PROM2: variants seen among roughly 807,000 people sequenced by gnomAD.
The protein encoded by PROM2 is prominin-2.
A neutral mutation model predicts 110.2 loss-of-function variants in PROM2; 90 were observed. That is an observed-to-expected ratio of 0.82 (90% confidence interval 0.69 to 0.97). PROM2 has a LOEUF of 0.97. Ranked by LOEUF, PROM2 falls within the 50% of genes least tolerant of loss-of-function variation. The pLI is 0.00. For synonymous variants in PROM2, 470 were observed against 467.8 expected (o/e 1.00, Z -0.06); for missense variants, 1,009 against 1,074.8 (o/e 0.94, Z 0.86).
intron 8 of PROM2, 57 bp downstream of exon 8, chr2:95,278,061 T>C: frequency 3.4e-6 from 5 of 1,455,598 alleles, no homozygotes; most frequent in Non-Finnish European, 4.8e-6. Context: ...AGGGCCTCTG[T>C]TTCCCCCTTT....
intron 1 of PROM2, 42 bp downstream of exon 1, chr2:95,274,871 C>T (rs764263969): frequency 4.6e-5 from 68 of 1,492,978 alleles, no homozygotes; most frequent in Middle Eastern, 1.8e-4. Context: ...GCATTTGGGT[C>T]CCCAGCCCGG....
chr2:95,276,549 G>T lies in PROM2; in HGVS notation c.619-45G>T, dbSNP rs781397614. ...CCAGGGAGAGAAGGGCGTAAGGACT[G>T]TGGGTGACCAGGAAGGGCAGCCTCA... On this transcript the variant is annotated intron_variant, in intron 4 of 23. Coordinates refer to ENST00000317620, the MANE Select transcript of PROM2 (RefSeq NM_001165978.3). The surrounding 1 kb of genome is among the most constrained non-coding windows in gnomAD (Gnocchi z 4.6). 3.7e-6 allele frequency: 6 copies of T among 1,613,422 alleles called. No individual in the cohort carries two copies. In the East Asian group the frequency reaches 1.3e-4, roughly 36 times the overall value.
chr2:95,288,766 G>GC (rs1016769309), intron 22 of PROM2, among the ~76,000 whole-genome samples, 167 bp from the exon 23 acceptor site: 10 of 152,344 alleles, frequency 6.6e-5, no homozygotes, highest in African/African-American at 2.4e-4. Context: ...CCGTATGTCT[G>GC]CCCCTTACCC....
At chr2:95,286,948 C>A in intron 18 of PROM2, 91 bp downstream of exon 18, 2 of 1,462,722 alleles carry the variant, frequency 1.4e-6, no homozygotes, top group Non-Finnish European at 1.9e-6. Flanking sequence ...CACCTCAGAG[C>A]TCTGCCCAGG....
rs780674390 is a variant in PROM2, at chr2:95,275,494, C to T, written c.278C>T (p.Ser93Phe). 3.1e-6 allele frequency: 5 copies of T among 1,613,808 alleles called. No individual in the cohort carries two copies. The highest frequency in any genetic ancestry group is 4.2e-6 in the Non-Finnish European group (5 of 1,179,858). The change falls in exon 2 of 24, where the codon TCC (serine) becomes TTC (phenylalanine). Residue 93 changes from serine (S) to phenylalanine (F), a missense_variant. Coordinates refer to ENST00000317620, the MANE Select transcript of PROM2 (RefSeq NM_001165978.3). The surrounding 1 kb of genome is among the most constrained non-coding windows in gnomAD (Gnocchi z 4.4). Reference sequence around the variant, plus strand: ...AAGGCCCTACTGAATGAGCTGGCCTCCGTGAAGGTGAATGAGGTGAGCAAG... The same window carrying T: ...AAGGCCCTACTGAATGAGCTGGCCTTCGTGAAGGTGAATGAGGTGAGCAAG... The part of the protein sequence containing the change: ...LVKALLNELA[S>F]VKVNEVVRYE...
intron 14 of PROM2, among the ~76,000 whole-genome samples, chr2:95,282,495 A>T (rs1465313032): frequency 6.6e-6 from 1 of 152,102 alleles, no homozygotes; most frequent in Non-Finnish European, 1.5e-5. Context: ...GAGCAGGAGG[A>T]TGAGGGGGCC....
chr2:95,280,042 T>A, intron 11 of PROM2, 45 bp downstream of exon 11: 3 of 1,362,978 alleles, frequency 2.2e-6, no homozygotes, highest in Non-Finnish European at 2.8e-6. Flanking sequence ...CTTATAGGGC[T>A]GGCTGATTAC....
In PROM2 at chr2:95,282,068, C is replaced by T. The variant is rs76846731; in HGVS notation, c.1643+52C>T. On this transcript the variant is annotated intron_variant, in intron 13 of 23. Transcript: ENST00000317620. ...GGACCGGGGAAGGAAGGAGGAGGGC[C>T]GGTGTCCCTCAGGGGACATCAGCCC... is the stretch of plus-strand genomic sequence containing the variant. The T allele has an allele frequency of 1.7e-3, 2,740 of 1,601,856 alleles. 37 individuals are homozygous for T. The African/African-American group carries it at 0.03, about 17-fold the overall frequency.
At position 95,276,724 on chromosome 2, in the gene PROM2, G is replaced by A; in HGVS notation, c.682+67G>A. The A allele has an allele frequency of 4.5e-6, 7 of 1,545,292 alleles. No homozygotes were observed. The highest frequency in any genetic ancestry group is 5.3e-6 in the Non-Finnish European group (6 of 1,121,718). ...GGGCCCCTGCTCGGGTGCCTCGGTG[G>A]GGGCCTCTCACTCCCTCATTCTGGA... On this transcript the variant is annotated intron_variant, in intron 5 of 23. Coordinates refer to ENST00000317620, the MANE Select transcript of PROM2 (RefSeq NM_001165978.3). This position sits in a 1 kb window ranked among gnomAD's most constrained non-coding sequence, Gnocchi z 4.6.
Position 95,281,369 on chromosome 2 carries a change from G to A in PROM2, c.1551+4G>A. On this transcript the variant is annotated splice_donor_region_variant and intron_variant, in intron 12 of 23. Transcript: ENST00000317620. ...GGAGAACGGCGAGCTCTTTGAGGTA[G>A]GCCTGTCTCTGCTCACAGGCCCTCC... The A allele has an allele frequency of 6.2e-7, 1 of 1,610,126 alleles. No individual in the cohort carries two copies. Among genetic ancestry groups the A allele is most frequent in the Non-Finnish European group, 8.5e-7 (1 of 1,179,638 alleles).
chr2:95,280,097 G>GTCAT, intron 11 of PROM2, 100 bp downstream of exon 11: 1 of 1,172,842 alleles, frequency 8.5e-7, no homozygotes, highest in Non-Finnish European at 1.1e-6. Context: ...CAGTGTCAGT[G>GTCAT]TCATCATCTG....
At position 95,288,239 on chromosome 2, in the gene PROM2, C is replaced by G. The variant is rs775354442; in HGVS notation, c.2273C>G (p.Pro758Arg). The G allele has an allele frequency of 1.2e-6, 2 of 1,614,026 alleles. No individual in the cohort carries two copies. Among genetic ancestry groups the G allele is most frequent in the East Asian group, 4.5e-5 (2 of 44,880 alleles). The change falls in exon 21 of 24, where the codon CCC becomes CGC. Residue 758 changes from proline to arginine, a missense_variant. Transcript: ENST00000317620. The stretch of plus-strand genomic sequence containing the variant: ...ACTCAGCGCATTGCCACCTGCCAGC[C>G]CCTCTCCGGAGCCCTGGACAACAGC... ...EVTQRIATCQ[P>R]LSGALDNSRV...
In PROM2 at chr2:95,281,892, C is replaced by T. The variant is rs761527656; in HGVS notation, c.1552-33C>T. ...CCAGGGTGGCCTTGCCCCCACCCCG[C>T]TCTGTGCCCATTTCTCACTGCCCCA... On this transcript the variant is annotated intron_variant, in intron 12 of 23. Coordinates refer to ENST00000317620, the MANE Select transcript of PROM2 (RefSeq NM_001165978.3). 5.2e-6 allele frequency: 8 copies of T among 1,548,896 alleles called. No homozygotes were observed. The Admixed American group carries it at 1.2e-4, about 23-fold the overall frequency.
At position 95,276,495 on chromosome 2, in the gene PROM2, G is replaced by A; in HGVS notation, c.619-99G>A. On this transcript the variant is annotated intron_variant, in intron 4 of 23. Transcript: ENST00000317620. The surrounding 1 kb of genome is among the most constrained non-coding windows in gnomAD (Gnocchi z 4.6). Reference sequence around the variant, plus strand: ...CTTGCCTGAGAGTCGACCACCCTCAGGGTGGATGCCATAGGGGCAGGGAAG... The same window carrying A: ...CTTGCCTGAGAGTCGACCACCCTCAAGGTGGATGCCATAGGGGCAGGGAAG... 1 of 1,602,864 alleles carries A rather than the reference G, an allele frequency of 6.2e-7. No homozygotes were observed. The highest frequency in any genetic ancestry group is 8.5e-7 in the Non-Finnish European group (1 of 1,171,128).
chr2:95,281,891 G>C, intron 12 of PROM2, 34 bp from the exon 13 acceptor site: 1 of 1,536,702 alleles, frequency 6.5e-7, no homozygotes, highest in Middle Eastern at 1.8e-4. Flanking sequence ...CCCCCACCCC[G>C]CTCTGTGCCC....
rs768364083 is a variant in PROM2 at position 95,290,331 on chromosome 2, G to C, written c.*1118G>C. ...CTCACTTCCCTGAGACTTGGTTCTGGGTCCTTAAAACCAGGTTTCCTAGGC... is the reference window on the plus strand; with the variant it reads ...CTCACTTCCCTGAGACTTGGTTCTGCGTCCTTAAAACCAGGTTTCCTAGGC... On this transcript the variant is annotated 3_prime_UTR_variant, in exon 24 of 24. Coordinates refer to ENST00000317620, the MANE Select transcript of PROM2 (RefSeq NM_001165978.3). The C allele has an allele frequency of 1.3e-5, 2 of 152,168 alleles. No homozygotes were observed. The highest frequency in any genetic ancestry group is 2.9e-5 in the Non-Finnish European group (2 of 68,046). 9.4% of individuals were successfully genotyped at this position (152,168 alleles called of 1,614,324 possible).
chr2:95,275,464 T>C lies in PROM2; in HGVS notation c.248T>C (p.Leu83Ser), dbSNP rs753214127. Reference sequence around the variant, plus strand: ...TCAGCTTGGCTCTTTCCCATAGAGTTGGTAAAGGCCCTACTGAATGAGCTG... The same window carrying C: ...TCAGCTTGGCTCTTTCCCATAGAGTCGGTAAAGGCCCTACTGAATGAGCTG... Reference protein sequence around the residue: ...VVQLNPFPSELVKALLNELAS... With the variant: ...VVQLNPFPSESVKALLNELAS... The change falls in exon 2 of 24, where the codon TTG (leucine) becomes TCG (serine). Residue 83 changes from leucine to serine, a missense_variant. Leu to Ser is a moderately radical substitution (Grantham distance 145). Transcript: ENST00000317620. The surrounding 1 kb of genome is among the most constrained non-coding windows in gnomAD (Gnocchi z 4.4). 1 of 1,612,454 alleles carries C rather than the reference T, an allele frequency of 6.2e-7. No individual in the cohort carries two copies. Among genetic ancestry groups the C allele is most frequent in the East Asian group, 2.2e-5 (1 of 44,810 alleles).
chr2:95,285,775 G>T (rs1677322047), intron 16 of PROM2, 65 bp downstream of exon 16: 10 of 1,486,620 alleles, frequency 6.7e-6, no homozygotes, highest in Non-Finnish European at 9.2e-6. Flanking sequence ...GGCGGGAAAG[G>T]GTGGGAGGAT....
rs1173359224 is a variant in PROM2 at position 95,289,286 on chromosome 2, G to A, written c.*73G>A. On this transcript the variant is annotated 3_prime_UTR_variant, in exon 24 of 24. Transcript: ENST00000317620. ...ATTTAGCCTGGGCCACAGGACTTCG[G>A]TAGCTCTTGCCCCAGAGCCCAGGCT... 2.0e-5 allele frequency: 10 copies of A among 490,744 alleles called. No homozygotes were observed. Among genetic ancestry groups the A allele is most frequent in the Non-Finnish European group, 3.4e-5 (9 of 268,398 alleles). The allele number at this position is 490,744 out of a possible 1,614,324, so 30.4% of individuals were successfully genotyped here.
Sources: gnomAD v4.1 joint callset for allele counts (sites outside exome capture counted in the v4.1 genomes callset) on GRCh38, gnomAD v4.1.1 for gene constraint, Gnocchi (gnomAD v3.1) non-coding constraint, MANE v1.5 for transcripts, NCBI Gene and HGNC (gene_info 2026-07-23, HGNC 2026-07-21) for gene names.